NWD2: variants seen among roughly 807,000 people sequenced by gnomAD.
The protein encoded by NWD2 is NACHT and WD repeat domain-containing protein 2.
NWD2 carries 37 observed loss-of-function variants against 132.7 expected under a neutral mutation model. That is an observed-to-expected ratio of 0.28 (90% CI 0.21 to 0.37). The LOEUF is 0.37. Ranked by LOEUF, NWD2 falls within the 10% of genes least tolerant of loss-of-function variation. The probability of loss-of-function intolerance (pLI) is 1.00; values close to 1 mark genes in which losing one functional copy is unlikely to be tolerated. For synonymous variants in NWD2, 705 were observed against 803.0 expected (o/e 0.88, Z 2.06); for missense variants, 1,592 against 2,122.4 (o/e 0.75, Z 4.91).
intron 1 of NWD2, among the ~76,000 whole-genome samples, chr4:37,277,136 A>C (rs1263151964): frequency 6.7e-6 from 1 of 149,988 alleles, no homozygotes; most frequent in Non-Finnish European, 1.5e-5. Flanking sequence ...GTATAATTAA[A>C]AAAAAAAAAA....
At chr4:37,347,925 C>A (rs1342601794) in intron 2 of NWD2, among the ~76,000 whole-genome samples, 1 of 152,198 alleles carries the variant, frequency 6.6e-6, no homozygotes, top group Non-Finnish European at 1.5e-5. Context: ...GTGCCATACA[C>A]ATTGCAGTGG....
chr4:37,417,982 A>G (rs207464544), intron 3 of NWD2, among the ~76,000 whole-genome samples: 4 of 152,186 alleles, frequency 2.6e-5, no homozygotes, highest in Non-Finnish European at 5.9e-5. Context: ...TGCTCCGTCA[A>G]TAGAGGGGAC....
intron 1 of NWD2, among the ~76,000 whole-genome samples, chr4:37,267,539 G>T (rs553378843): frequency 6.6e-6 from 1 of 151,908 alleles, no homozygotes; most frequent in Non-Finnish European, 1.5e-5. Context: ...TAACATTTTT[G>T]ATAACAAAGC....
intron 3 of NWD2, among the ~76,000 whole-genome samples, chr4:37,422,479 T>G (rs1711845955): frequency 6.6e-6 from 1 of 152,228 alleles, no homozygotes; most frequent in African/African-American, 2.4e-5. Context: ...TTCTGCATTT[T>G]TTCCTCCCTT....
chr4:37,307,060 G>A (rs948182826), intron 1 of NWD2, among the ~76,000 whole-genome samples: 12 of 151,974 alleles, frequency 7.9e-5, no homozygotes, highest in African/African-American at 2.7e-4. Flanking sequence ...GTACTGATGA[G>A]AGGAATATGT....
chr4:37,365,890 A>G (rs1720090983), intron 3 of NWD2, among the ~76,000 whole-genome samples: 2 of 152,352 alleles, frequency 1.3e-5, no homozygotes, highest in African/African-American at 4.8e-5. Context: ...GTCTCTTTAT[A>G]ATTTAATTGG....
At chr4:37,256,392 C>A (rs1717519164) in intron 1 of NWD2, among the ~76,000 whole-genome samples, 1 of 152,102 alleles carries the variant, frequency 6.6e-6, no homozygotes, top group African/African-American at 2.4e-5. Context: ...TCACAGCTTT[C>A]TAAAGGGAGA....
At chr4:37,268,215 A>T (rs1019712888) in intron 1 of NWD2, among the ~76,000 whole-genome samples, 2 of 151,856 alleles carry the variant, frequency 1.3e-5, no homozygotes, top group African/African-American at 2.4e-5. Flanking sequence ...TCCTGTTTTT[A>T]CACATTCCCC....
chr4:37,301,923 A>G (rs954389522), intron 1 of NWD2, among the ~76,000 whole-genome samples: 2 of 151,994 alleles, frequency 1.3e-5, no homozygotes, highest in African/African-American at 4.8e-5. Context: ...TAGAAAGTGT[A>G]ATGACTGAAT....
intron 1 of NWD2, among the ~76,000 whole-genome samples, chr4:37,313,034 A>G (rs928021533): frequency 1.3e-5 from 2 of 150,990 alleles, no homozygotes; most frequent in Non-Finnish European, 2.9e-5. Context: ...GTTTGCCAAT[A>G]TTTTATTGAG....
intron 2 of NWD2, among the ~76,000 whole-genome samples, chr4:37,350,149 G>A (rs1182873622): frequency 6.6e-6 from 1 of 152,068 alleles, no homozygotes; most frequent in East Asian, 1.9e-4. Flanking sequence ...TTTTTACTTA[G>A]GATTGTCTTT....
Position 37,446,075 on chromosome 4 carries a change from T to G in NWD2, c.4087T>G (p.Cys1363Gly). ...VFKHEGIVEH[C>G]VLTSTGDIMV... ...CAAGCATGAAGGAATAGTTGAACAC[T>G]GTGTGTTAACATCCACCGGAGATAT... The change falls in exon 7 of 7, where the codon TGT becomes GGT. Residue 1363 changes from cysteine to glycine, a missense_variant. Transcript: ENST00000309447. This position sits in a 1 kb window ranked among gnomAD's most constrained non-coding sequence, Gnocchi z 6.7. 6.4e-7 allele frequency: 1 copy of G among 1,551,756 alleles called. No homozygotes were observed. The highest frequency in any genetic ancestry group is 8.7e-7 in the Non-Finnish European group (1 of 1,146,944).
At chr4:37,274,202 A>C (rs1717939175) in intron 1 of NWD2, among the ~76,000 whole-genome samples, 1 of 152,162 alleles carries the variant, frequency 6.6e-6, no homozygotes, top group Admixed American at 6.5e-5. Context: ...ATAAAGAAGA[A>C]AAGAGAGAAG....
chr4:37,412,993 CGTA>C (rs1721193433), intron 3 of NWD2, among the ~76,000 whole-genome samples: 1 of 152,006 alleles, frequency 6.6e-6, no homozygotes, highest in Non-Finnish European at 1.5e-5. Flanking sequence ...AAGACTTAAA[CGTA>C]AGACCTAGGA....
chr4:37,422,298 G>C (rs567605124), intron 3 of NWD2, among the ~76,000 whole-genome samples: 1 of 152,276 alleles, frequency 6.6e-6, no homozygotes, highest in East Asian at 1.9e-4. Context: ...AGTACTGCCT[G>C]TTCTCTATAA....
chr4:37,348,055 A>C (rs1719672603), intron 2 of NWD2, among the ~76,000 whole-genome samples: 1 of 152,226 alleles, frequency 6.6e-6, no homozygotes, highest in African/African-American at 2.4e-5. Context: ...AGCTAGAAGT[A>C]AAGTGACTAG....
chr4:37,424,160 G>A (rs1166509556), intron 3 of NWD2, among the ~76,000 whole-genome samples: 2 of 152,092 alleles, frequency 1.3e-5, no homozygotes, highest in Non-Finnish European at 2.9e-5. Flanking sequence ...ACATGCCATA[G>A]TCCTTGTGAA....
chr4:37,277,243 T>C (rs1047055379), intron 1 of NWD2, among the ~76,000 whole-genome samples: 2 of 152,136 alleles, frequency 1.3e-5, no homozygotes, highest in Non-Finnish European at 2.9e-5. Flanking sequence ...AGTTTTACTA[T>C]GACATGTCCC....
chr4:37,257,550 G>C (rs556871984), intron 1 of NWD2, among the ~76,000 whole-genome samples: 43 of 152,008 alleles, frequency 2.8e-4, no homozygotes, highest in African/African-American at 9.4e-4. Flanking sequence ...AAGATACTAA[G>C]GACTTAAAAA....
Sources: gnomAD v4.1 joint callset for allele counts (sites outside exome capture counted in the v4.1 genomes callset) on GRCh38, gnomAD v4.1.1 for gene constraint, Gnocchi (gnomAD v3.1) non-coding constraint, MANE v1.5 for transcripts, NCBI Gene and HGNC (gene_info 2026-07-23, HGNC 2026-07-21) for gene names.